ASCC3: variants seen among roughly 807,000 people sequenced by gnomAD.
The protein encoded by ASCC3 is ASC-1 complex subunit P200.
Under a neutral mutation model 256.3 loss-of-function variants are expected in ASCC3, and 158 were observed. The observed-to-expected ratio is 0.62, with a 90% CI of 0.54 to 0.70. The LOEUF is 0.70. Among genes scored for constraint, ASCC3 ranks in the 30% least tolerant of loss-of-function variants. ASCC3 has a pLI of 0.00. For synonymous variants in ASCC3, 948 were observed against 883.4 expected (o/e 1.07, Z -1.30); for missense variants, 2,259 against 2,626.0 (o/e 0.86, Z 3.05).
intron 8 of ASCC3, among the ~76,000 whole-genome samples, chr6:100,771,866 GTTTTTTTTTTTTTTTT>G (rs57465763): frequency 1.1e-5 from 1 of 91,820 alleles, no homozygotes; most frequent in Non-Finnish European, 2.0e-5. Context: ...CAATCTGCAA[GTTTTTTTTTTTTTTTT>G]TTTTTTTTTT....
At chr6:100,778,117 G>A (rs1380176778) in intron 8 of ASCC3, among the ~76,000 whole-genome samples, 1 of 149,924 alleles carries the variant, frequency 6.7e-6, no homozygotes, top group Non-Finnish European at 1.5e-5. Flanking sequence ...AAAAAAAAGA[G>A]AGATAAATCA....
intron 10 of ASCC3, among the ~76,000 whole-genome samples, chr6:100,736,875 C>A (rs1780194726): frequency 6.6e-6 from 1 of 152,152 alleles, no homozygotes; most frequent in Non-Finnish European, 1.5e-5. Flanking sequence ...AGGCCAGGCA[C>A]AGTGGATCAC....
At chr6:100,752,203 T>C (rs1780973467) in intron 10 of ASCC3, among the ~76,000 whole-genome samples, 1 of 152,128 alleles carries the variant, frequency 6.6e-6, no homozygotes, top group Non-Finnish European at 1.5e-5. Context: ...ACTCATATTT[T>C]CCTTCTCCTT....
At chr6:100,545,789 G>A (rs1022881414) in intron 36 of ASCC3, among the ~76,000 whole-genome samples, 5 of 151,996 alleles carry the variant, frequency 3.3e-5, no homozygotes, top group African/African-American at 7.3e-5. Context: ...ACTATGTTGC[G>A]GAGACTGATC....
rs531652633 is a variant in ASCC3, at chr6:100,547,700, G to C, written c.5551-7313C>G. Among the ~76,000 whole-genome samples, 12 of 152,128 alleles carry C rather than the reference G, an allele frequency of 7.9e-5. No homozygotes were observed. In the South Asian group the frequency reaches 2.5e-3, roughly 32 times the overall value. ...TCATGCATAGCTGGTGGGAATGTAA[G>C]ATGTTCCAATTTCTTTGGAAAAGAG... On this transcript the variant is annotated intron_variant, in intron 36 of 41. Coordinates refer to ENST00000369162, the MANE Select transcript of ASCC3 (RefSeq NM_006828.4).
intron 3 of ASCC3, among the ~76,000 whole-genome samples, chr6:100,861,350 C>T (rs1027414181): frequency 2.7e-4 from 41 of 152,080 alleles, no homozygotes; most frequent in African/African-American, 9.4e-4. Context: ...CCAGATTAAA[C>T]AATACGCATA....
intron 4 of ASCC3, among the ~76,000 whole-genome samples, chr6:100,810,489 ATGT>A (rs1314104193): frequency 2.6e-5 from 4 of 152,180 alleles, no homozygotes; most frequent in Non-Finnish European, 5.9e-5. Flanking sequence ...TATCAAAGAC[ATGT>A]TGTATTCGTA....
chr6:100,575,643 T>C (rs1770819064), intron 36 of ASCC3, among the ~76,000 whole-genome samples: 1 of 152,134 alleles, frequency 6.6e-6, no homozygotes, highest in Admixed American at 6.6e-5. Context: ...ATTTCACTAC[T>C]TTTAATATTC....
At chr6:100,807,246 A>G (rs889339424) in intron 4 of ASCC3, among the ~76,000 whole-genome samples, 4 of 151,980 alleles carry the variant, frequency 2.6e-5, no homozygotes, top group Non-Finnish European at 5.9e-5. Context: ...GCAAGATAAC[A>G]GGAAAATGGT....
intron 3 of ASCC3, among the ~76,000 whole-genome samples, chr6:100,860,402 T>A (rs1326655586): frequency 6.6e-6 from 1 of 151,884 alleles, no homozygotes; most frequent in Non-Finnish European, 1.5e-5. Context: ...TAAAAAGGTA[T>A]GGGAATATAC....
chr6:100,609,429 C>G (rs2114821572), intron 30 of ASCC3, among the ~76,000 whole-genome samples: 1 of 150,434 alleles, frequency 6.6e-6, no homozygotes, highest in South Asian at 2.2e-4. Context: ...TTAAACATTT[C>G]CAGCCTGAGT....
intron 37 of ASCC3, among the ~76,000 whole-genome samples, chr6:100,527,241 C>T (rs1356806124): frequency 6.6e-6 from 1 of 152,118 alleles, no homozygotes; most frequent in Admixed American, 6.5e-5. Context: ...ATAATCTACC[C>T]ATCTTTTTCT....
At chr6:100,592,709 T>C (rs765052132) in intron 34 of ASCC3, among the ~76,000 whole-genome samples, 11 of 152,096 alleles carry the variant, frequency 7.2e-5, no homozygotes, top group African/African-American at 2.7e-4. Context: ...TGAACAATTA[T>C]AAGCATTTAG....
intron 37 of ASCC3, among the ~76,000 whole-genome samples, chr6:100,525,560 C>T (rs967632276): frequency 6.6e-6 from 1 of 151,768 alleles, no homozygotes; most frequent in Non-Finnish European, 1.5e-5. Context: ...GTTATATGTA[C>T]CCTCAACATA....
rs146637691 is a variant in ASCC3, at chr6:100,575,517, T to C, written c.5550+14117A>G. ...GAGAACGGCTAAACCTAGACATTTA[T>C]TGACACATAAAAATTCTATTGTTCT... On this transcript the variant is annotated intron_variant, in intron 36 of 41. Coordinates refer to ENST00000369162, the MANE Select transcript of ASCC3 (RefSeq NM_006828.4). Among the ~76,000 whole-genome samples, 4 of 152,246 alleles carry C rather than the reference T, an allele frequency of 2.6e-5. No individual in the cohort carries two copies. In the East Asian group the frequency reaches 7.7e-4, roughly 29 times the overall value.
rs149971791 is a variant in ASCC3, at chr6:100,807,566, C to T, written c.802-1686G>A. On this transcript the variant is annotated intron_variant, in intron 4 of 41. Transcript: ENST00000369162. ...TCTGGTGACATTTGTACTGATGGTG[C>T]AAAAGCAATGGTGGGTAAAACTGCT... Among the ~76,000 whole-genome samples the T allele has an allele frequency of 2.5e-3, 373 of 151,878 alleles. 1 individual carries two copies. Among genetic ancestry groups the T allele is most frequent in the Non-Finnish European group, 4.4e-3 (301 of 67,844 alleles).
At chr6:100,785,452 A>C (rs1314507543) in intron 8 of ASCC3, among the ~76,000 whole-genome samples, 5 of 152,116 alleles carry the variant, frequency 3.3e-5, no homozygotes, top group Admixed American at 3.3e-4. Context: ...CCAGGCTGGA[A>C]TGCAGTAGCA....
rs778704704 is a variant in ASCC3, at chr6:100,605,659, C to T, written c.5086G>A (p.Asp1696Asn). Residue 1696 changes from aspartate to asparagine, a missense_variant, in exon 33 of 42, where the codon GAT becomes AAT. By Grantham distance (23) the Asp-to-Asn change is conservative. Coordinates refer to ENST00000369162, the MANE Select transcript of ASCC3 (RefSeq NM_006828.4). ...AGAATTACAGCTTTGCCTTGGTCAT[C>T]GAACTGCGGCCTCCCAGCACGCCCC... Reference protein sequence around the residue: ...MMGRAGRPQFDDQGKAVILVH... With the variant: ...MMGRAGRPQFNDQGKAVILVH... 4 of 1,612,778 alleles carry T rather than the reference C, an allele frequency of 2.5e-6. No individual in the cohort carries two copies. The highest frequency in any genetic ancestry group is 2.2e-5 in the East Asian group (1 of 44,822).
chr6:100,654,673 G>C (rs1315261030), intron 17 of ASCC3, among the ~76,000 whole-genome samples: 2 of 151,946 alleles, frequency 1.3e-5, no homozygotes, highest in African/African-American at 4.8e-5. Context: ...TTAAAGATTA[G>C]CACAAATTTC....
Sources: gnomAD v4.1 joint callset for allele counts (sites outside exome capture counted in the v4.1 genomes callset) on GRCh38, gnomAD v4.1.1 for gene constraint, MANE v1.5 for transcripts, NCBI Gene and HGNC (gene_info 2026-07-23, HGNC 2026-07-21) for gene names.